GMFG: variants seen among roughly 807,000 people sequenced by gnomAD.
The protein encoded by GMFG is glia maturation factor gamma.
Under a neutral mutation model 26.1 loss-of-function variants are expected in GMFG, and 21 were observed. The observed-to-expected ratio is 0.80, with a 90% confidence interval of 0.57 to 1.16. GMFG has a LOEUF of 1.16. Ranked by LOEUF, GMFG falls within the 50% of genes most tolerant of loss-of-function variation. The pLI is 0.00. For synonymous variants in GMFG, 65 were observed against 60.8 expected, an observed-to-expected ratio of 1.07 and a Z score of -0.32; for missense variants, 161 against 178.3, an observed-to-expected ratio of 0.90 and a Z score of 0.55.
At position 39,335,300 on chromosome 19, in the gene GMFG, G is replaced by C. The variant is rs777308826; in HGVS notation, c.111C>G (p.Asp37Glu). ...TDNAAIIMKVDKDRQMVVLEE... is the reference protein window; with the variant it reads ...TDNAAIIMKVEKDRQMVVLEE... ...CCAGCACCACCATCTGCCGGTCTTTGTCCACCTTCACTGGGGAGGGGTGGC... is the reference window on the plus strand; with the variant it reads ...CCAGCACCACCATCTGCCGGTCTTTCTCCACCTTCACTGGGGAGGGGTGGC... The change falls in exon 3 of 7, where the codon GAC (aspartate) becomes GAG (glutamate). Residue 37 changes from aspartate (D) to glutamate (E), a missense_variant. Physicochemically the swap from Asp to Glu is conservative, Grantham distance 45 (BLOSUM62 2). Coordinates refer to ENST00000597595, the MANE Select transcript of GMFG (RefSeq NM_004877.4). The C allele has an allele frequency of 1.3e-6, 2 of 1,569,056 alleles. No homozygotes were observed. The highest frequency in any genetic ancestry group is 1.7e-6 in the Non-Finnish European group (2 of 1,155,772).
chr19:39,335,480 T>G lies in GMFG; in HGVS notation c.55A>C (p.Arg19=). ...GTCTCTTTTCGGAAGCGGAATTTCC[T>G]CAGCTTTTCTGTTAGCTCTGGGTCT... ...EVDPELTEKL[R]KFRFRKETDN... is the part of the protein sequence containing the mutation. Residue 19 remains arginine (R), a synonymous_variant, in exon 2 of 7, where the codon AGG becomes CGG. Transcript: ENST00000597595. The G allele has an allele frequency of 6.2e-7, 1 of 1,614,008 alleles. No individual in the cohort carries two copies. Among genetic ancestry groups the G allele is most frequent in the Non-Finnish European group, 8.5e-7 (1 of 1,179,878 alleles).
intron 3 of GMFG, among the ~76,000 whole-genome samples, chr19:39,334,368 A>G (rs2075240285): frequency 6.6e-6 from 1 of 151,812 alleles, no homozygotes; most frequent in African/African-American, 2.4e-5. Context: ...CCCAGCCTCA[A>G]GCAACCCTCC....
At chr19:39,328,662 TA>T (rs1381118476) in intron 6 of GMFG, 114 bp from the exon 7 acceptor site, 2 of 758,126 alleles carry the variant, frequency 2.6e-6, no homozygotes, top group Admixed American at 3.9e-5. Flanking sequence ...GTGGATCACT[TA>T]AGGTCAGGAG....
chr19:39,331,678 G>A lies in GMFG; in HGVS notation c.200+1399C>T, dbSNP rs560468540. ...TAGTCCCAGTTACTTGGGAGGCTGAGGCAGGAGGATGGCTTGAGCCCAGGA... is the reference window on the plus strand; with the variant it reads ...TAGTCCCAGTTACTTGGGAGGCTGAAGCAGGAGGATGGCTTGAGCCCAGGA... On this transcript the variant is annotated intron_variant, in intron 4 of 6. Transcript: ENST00000597595. Among the ~76,000 whole-genome samples, 4 of 152,266 alleles carry A rather than the reference G, an allele frequency of 2.6e-5. No individual in the cohort carries two copies. In the South Asian group the frequency reaches 8.3e-4, roughly 32 times the overall value.
At chr19:39,331,740 C>T (rs2075227100) in intron 4 of GMFG, among the ~76,000 whole-genome samples, 1 of 151,892 alleles carries the variant, frequency 6.6e-6, no homozygotes, top group African/African-American at 2.4e-5. Flanking sequence ...ACAGCACTGC[C>T]CAATAGCCTG....
Position 39,328,397 on chromosome 19 carries a change from G to T in GMFG, c.*80C>A. ...ATTTTAAAATTTATTTAAAGTCTTGGTTGTTCAGGTCCTAGGGGTTCCAAG... is the reference window on the plus strand; with the variant it reads ...ATTTTAAAATTTATTTAAAGTCTTGTTTGTTCAGGTCCTAGGGGTTCCAAG... On this transcript the variant is annotated 3_prime_UTR_variant, in exon 7 of 7. Transcript: ENST00000597595. The T allele has an allele frequency of 1.1e-6, 1 of 890,810 alleles. No individual in the cohort carries two copies. Among genetic ancestry groups the T allele is most frequent in the Non-Finnish European group, 1.9e-6 (1 of 530,624 alleles). The allele number at this position is 890,810 out of a possible 1,614,324, so 55.2% of individuals were successfully genotyped here. A position where few individuals can be genotyped will look rare whatever the true frequency, so the allele number is the denominator to read the frequency against.
intron 4 of GMFG, among the ~76,000 whole-genome samples, chr19:39,331,815 T>G (rs2075227405): frequency 6.6e-6 from 1 of 152,140 alleles, no homozygotes; most frequent in Non-Finnish European, 1.5e-5. Context: ...AATAATTAAT[T>G]TGTTTGCTAC....
chr19:39,335,293 G>A lies in GMFG; in HGVS notation c.118C>T (p.Arg40Trp), dbSNP rs142875775. Residue 40 changes from arginine to tryptophan, a missense_variant, in exon 3 of 7, where the codon CGG becomes TGG. Coordinates refer to ENST00000597595, the MANE Select transcript of GMFG (RefSeq NM_004877.4). ...AAIIMKVDKD[R>W]QMVVLEEEFQ... ...TCTTCCTCCAGCACCACCATCTGCCGGTCTTTGTCCACCTTCACTGGGGAG... is the reference window on the plus strand; with the variant it reads ...TCTTCCTCCAGCACCACCATCTGCCAGTCTTTGTCCACCTTCACTGGGGAG... 6.4e-5 allele frequency: 100 copies of A among 1,565,542 alleles called. No individual in the cohort carries two copies. Among genetic ancestry groups the A allele is most frequent in the Non-Finnish European group, 7.6e-5 (88 of 1,154,048 alleles).
chr19:39,329,721 T>A, intron 4 of GMFG, 95 bp from the exon 5 acceptor site: 1 of 781,660 alleles, frequency 1.3e-6, no homozygotes, highest in African/African-American at 1.7e-5. Context: ...GTTGGCTGAG[T>A]CTGAGAACCC....
rs1029989950 is a variant in GMFG, at chr19:39,329,146, G to A, written c.284-73C>T. On this transcript the variant is annotated intron_variant, in intron 5 of 6. Coordinates refer to ENST00000597595, the MANE Select transcript of GMFG (RefSeq NM_004877.4). ...TTCTCTAAAGCTCTAGTAATGTCCT[G>A]AAGGCCCTGCAGCTTGCCAAGGGTC... The A allele has an allele frequency of 4.7e-5, 49 of 1,036,958 alleles. No individual in the cohort carries two copies. In the African/African-American group the frequency reaches 5.5e-4, roughly 12 times the overall value. 64.2% of individuals were successfully genotyped at this position (1,036,958 alleles called of 1,614,324 possible).
chr19:39,334,919 G>A (rs536030041), intron 3 of GMFG, among the ~76,000 whole-genome samples: 18 of 151,944 alleles, frequency 1.2e-4, no homozygotes, highest in Admixed American at 8.5e-4. Flanking sequence ...GCACAATCTC[G>A]GCTCACTACA....
At chr19:39,333,274 G>T in intron 3 of GMFG, 148 bp from the exon 4 acceptor site, 3 of 405,478 alleles carry the variant, frequency 7.4e-6, no homozygotes, top group South Asian at 7.1e-5. Flanking sequence ...GGTGAAACCC[G>T]TCTCTACTAA....
At chr19:39,332,287 G>A (rs916055921) in intron 4 of GMFG, among the ~76,000 whole-genome samples, 5 of 149,564 alleles carry the variant, frequency 3.3e-5, no homozygotes, top group African/African-American at 1.2e-4. Context: ...TCAAGATCGC[G>A]CCACTGCACT....
In GMFG at chr19:39,330,420, C is replaced by T. The variant is rs530877815; in HGVS notation, c.201-794G>A. On this transcript the variant is annotated intron_variant, in intron 4 of 6. Transcript: ENST00000597595. Reference sequence around the variant, plus strand: ...TTTTGTAGTCTCTCTCTAGACTGATCATCGTCTTTTTTTTTTACTGTTATT... The same window carrying T: ...TTTTGTAGTCTCTCTCTAGACTGATTATCGTCTTTTTTTTTTACTGTTATT... Among the ~76,000 whole-genome samples the T allele has an allele frequency of 2.6e-5, 4 of 152,006 alleles. No homozygotes were observed. The South Asian group carries it at 8.3e-4, about 32-fold the overall frequency.
intron 4 of GMFG, among the ~76,000 whole-genome samples, chr19:39,330,944 C>T (rs749912898): frequency 7.9e-5 from 12 of 151,988 alleles, no homozygotes; most frequent in Non-Finnish European, 1.6e-4. Context: ...TGTTATGTTG[C>T]CCAGGCTGGT....
rs1010891667 is a variant in GMFG at position 39,330,154 on chromosome 19, C to T, written c.201-528G>A. Among the ~76,000 whole-genome samples, 10 of 152,242 alleles carry T rather than the reference C, an allele frequency of 6.6e-5. 1 individual carries two copies. In the South Asian group the frequency reaches 8.3e-4, roughly 13 times the overall value. On this transcript the variant is annotated intron_variant, in intron 4 of 6. Transcript: ENST00000597595. ...ATATAGGTGCTATTAATATCCCCAT[C>T]GTACAGATGAGAAAACTGAGGCCCA...
intron 4 of GMFG, chr19:39,332,766 C>A: frequency 4.1e-6 from 1 of 243,572 alleles, no homozygotes; most frequent in Non-Finnish European, 7.9e-6. Context: ...TCAAGCGATT[C>A]TCGTGCCTCA....
chr19:39,329,073 C>T lies in GMFG; in HGVS notation c.284G>A (p.Gly95Asp), dbSNP rs143143126. ...PLCFIFSSPV[G>D]CKPEQQMMYA... is the part of the protein sequence containing the mutation. Reference sequence around the variant, plus strand: ...CATCATCTGTTGTTCCGGCTTGCAGCCTGCGTGGAAAAGAGGAGAAAGGCA... The same window carrying T: ...CATCATCTGTTGTTCCGGCTTGCAGTCTGCGTGGAAAAGAGGAGAAAGGCA... The change falls in exon 6 of 7, where the codon GGC (glycine) becomes GAC (aspartate). Residue 95 changes from glycine (G) to aspartate (D), a missense_variant and splice_region_variant. Coordinates refer to ENST00000597595, the MANE Select transcript of GMFG (RefSeq NM_004877.4). 1 of 1,611,622 alleles carries T rather than the reference C, an allele frequency of 6.2e-7. No homozygotes were observed. Among genetic ancestry groups the T allele is most frequent in the African/African-American group, 1.3e-5 (1 of 74,836 alleles).
chr19:39,335,362 A>C, intron 2 of GMFG, 52 bp from the exon 3 acceptor site: 5 of 1,593,156 alleles, frequency 3.1e-6, no homozygotes, highest in Non-Finnish European at 3.4e-6. Context: ...TCCATGGGGG[A>C]CACAAGCCCA....
Sources: allele counts gnomAD v4.1 joint callset (sites outside exome capture counted in the v4.1 genomes callset), GRCh38; gene constraint gnomAD v4.1.1; transcripts MANE v1.5; gene names NCBI Gene and HGNC (gene_info 2026-07-23, HGNC 2026-07-21).